Variants in CNGA3 observed in about 807,000 individuals in gnomAD.
The protein encoded by CNGA3 is cyclic nucleotide-gated channel alpha-3.
Under a neutral mutation model 46.6 loss-of-function variants are expected in CNGA3, and 42 were observed. The ratio of observed to expected loss-of-function variants is 0.90; its 90% confidence interval spans 0.70 to 1.17. CNGA3 has a LOEUF of 1.17. Among genes scored for constraint, CNGA3 ranks in the 50% most tolerant of loss-of-function variants. The probability of loss-of-function intolerance (pLI) is 0.00; values close to 1 mark genes in which losing one functional copy is unlikely to be tolerated. For missense variants in CNGA3, 893 were observed against 890.7 expected (o/e 1.00, Z -0.03); for synonymous variants, 394 against 369.4 (o/e 1.07, Z -0.76).
chr2:98,391,966 G>C lies in CNGA3; in HGVS notation c.669G>C (p.Arg223=). The change falls in exon 7 of 8, where the codon CGG becomes CGC. Residue 223 remains arginine, a synonymous_variant. Transcript: ENST00000272602. Reference sequence around the variant, plus strand: ...TCTTGGATGTGCTTGTACGAGCTCGGACAGGTGAGTGTGCCCCAGGCCTGG... The same window carrying C: ...TCTTGGATGTGCTTGTACGAGCTCGCACAGGTGAGTGTGCCCCAGGCCTGG... ...LYVLDVLVRA[R]TGFLEQGLMV... 6.2e-7 allele frequency: 1 copy of C among 1,613,716 alleles called. No individual in the cohort carries two copies. The highest frequency in any genetic ancestry group is 8.5e-7 in the Non-Finnish European group (1 of 1,179,898).
chr2:98,364,102 G>A (rs996056069), intron 1 of CNGA3, among the ~76,000 whole-genome samples: 5 of 152,134 alleles, frequency 3.3e-5, no homozygotes, highest in African/African-American at 1.2e-4. Context: ...GTCAGGCTGG[G>A]TGTGGTGGCT....
At chr2:98,389,896 G>A (rs1407013116) in intron 6 of CNGA3, 122 bp downstream of exon 6, 5 of 688,822 alleles carry the variant, frequency 7.3e-6, no homozygotes. Context: ...CCACCACTTA[G>A]TTATTGTGCC....
intron 6 of CNGA3, among the ~76,000 whole-genome samples, chr2:98,390,948 C>T (rs966364025): frequency 3.9e-5 from 6 of 152,224 alleles, no homozygotes; most frequent in Middle Eastern, 3.4e-3. Context: ...TGGGGCTCTC[C>T]GGAGCCAGTA....
At chr2:98,349,305 G>A (rs1456479619) in intron 1 of CNGA3, among the ~76,000 whole-genome samples, 2 of 152,172 alleles carry the variant, frequency 1.3e-5, no homozygotes, top group African/African-American at 4.8e-5. Context: ...TAAGGGAAGG[G>A]TGAGTAATTT....
At chr2:98,384,173 C>T (rs528184166) in intron 5 of CNGA3, among the ~76,000 whole-genome samples, 2 of 152,200 alleles carry the variant, frequency 1.3e-5, no homozygotes, top group African/African-American at 2.4e-5. Flanking sequence ...CAGGCATGAG[C>T]CACTGCGCCT....
At chr2:98,381,772 C>T (rs1290019317) in intron 4 of CNGA3, among the ~76,000 whole-genome samples, 1 of 152,046 alleles carries the variant, frequency 6.6e-6, no homozygotes, top group Non-Finnish European at 1.5e-5. Context: ...CTGGCCCAGA[C>T]AAGTGCAGGG....
At chr2:98,389,116 G>A (rs1574384847) in intron 5 of CNGA3, among the ~76,000 whole-genome samples, 3 of 152,250 alleles carry the variant, frequency 2.0e-5, no homozygotes, top group Non-Finnish European at 4.4e-5. Flanking sequence ...TTGGAAATGA[G>A]CCTTTACATC....
At chr2:98,369,493 T>G (rs1285880425) in intron 1 of CNGA3, among the ~76,000 whole-genome samples, 1 of 152,228 alleles carries the variant, frequency 6.6e-6, no homozygotes, top group Non-Finnish European at 1.5e-5. Flanking sequence ...TGGTCCTTTT[T>G]TTACATGTTG....
chr2:98,370,165 A>G, intron 2 of CNGA3, 89 bp downstream of exon 2: 1 of 1,113,012 alleles, frequency 9.0e-7, no homozygotes, highest in East Asian at 2.5e-5. Flanking sequence ...GAATGCCTTC[A>G]CGTTGGCCAG....
In CNGA3 at chr2:98,397,703, G is replaced by C. The variant is rs1350041612; in HGVS notation, c.*448G>C. The C allele has an allele frequency of 4.6e-6, 1 of 218,014 alleles. No homozygotes were observed. Among genetic ancestry groups the C allele is most frequent in the African/African-American group, 2.3e-5 (1 of 43,164 alleles). The allele number at this position is 218,014 out of a possible 1,614,324, so 13.5% of individuals were successfully genotyped here. A position where few individuals can be genotyped will look rare whatever the true frequency, so the allele number is the denominator to read the frequency against. ...AACAGGAAGCTGAAGGTACAACATA[G>C]TGACTAAAATTCAGACTTACACAAG... On this transcript the variant is annotated 3_prime_UTR_variant, in exon 8 of 8. Coordinates refer to ENST00000272602, the MANE Select transcript of CNGA3 (RefSeq NM_001298.3).
intron 4 of CNGA3, 36 bp from the exon 5 acceptor site, chr2:98,383,352 G>A (rs1210827366): frequency 3.7e-6 from 6 of 1,608,300 alleles, no homozygotes; most frequent in Non-Finnish European, 5.1e-6. Context: ...TGGAAACAGA[G>A]TTCAGACCCT....
intron 3 of CNGA3, chr2:98,378,284 C>G: frequency 1.4e-6 from 2 of 1,458,154 alleles, no homozygotes; most frequent in Non-Finnish European, 1.8e-6. Context: ...TCTGCTTCCC[C>G]CTGATGACAT....
chr2:98,391,811 C>A lies in CNGA3; in HGVS notation c.567-53C>A, dbSNP rs188984295. On this transcript the variant is annotated intron_variant, in intron 6 of 7. Coordinates refer to ENST00000272602, the MANE Select transcript of CNGA3 (RefSeq NM_001298.3). Reference sequence around the variant, plus strand: ...GAGCCCGTGCCCACAGGTGGGTGGTCCACGCTCCAGAAACACACGCACAGC... The same window carrying A: ...GAGCCCGTGCCCACAGGTGGGTGGTACACGCTCCAGAAACACACGCACAGC... The A allele has an allele frequency of 8.2e-4, 1,287 of 1,572,908 alleles. 10 individuals are homozygous for A. In the African/African-American group the frequency reaches 0.016, roughly 19 times the overall value.
In CNGA3 at chr2:98,396,440, A is replaced by G. The variant is rs752934884; in HGVS notation, c.1270A>G (p.Met424Val). Residue 424 changes from methionine (M) to valine (V), a missense_variant, in exon 8 of 8, where the codon ATG becomes GTG. By Grantham distance (21) the Met-to-Val change is conservative. Transcript: ENST00000272602. ...QAKIDSIKQY[M>V]QFRKVTKDLE... ...CAAGATTGATTCCATCAAGCAGTAC[A>G]TGCAGTTCCGCAAGGTCACCAAGGA... is the stretch of plus-strand genomic sequence containing the variant. 7.4e-6 allele frequency: 12 copies of G among 1,613,964 alleles called. No homozygotes were observed. The highest frequency in any genetic ancestry group is 1.0e-5 in the Non-Finnish European group (12 of 1,180,036).
chr2:98,359,916 A>C (rs1039261446), intron 1 of CNGA3, among the ~76,000 whole-genome samples: 1 of 152,218 alleles, frequency 6.6e-6, no homozygotes, highest in African/African-American at 2.4e-5. Flanking sequence ...TGGGGCATTC[A>C]GACCATAGCT....
intron 1 of CNGA3, chr2:98,346,859 G>C (rs1691638144): frequency 6.3e-6 from 1 of 159,410 alleles, no homozygotes; most frequent in Non-Finnish European, 1.4e-5. Flanking sequence ...TCCCACAGCC[G>C]CGCTGGGCCG....
chr2:98,362,733 C>T (rs1692062671), intron 1 of CNGA3, among the ~76,000 whole-genome samples: 1 of 152,112 alleles, frequency 6.6e-6, no homozygotes, highest in Non-Finnish European at 1.5e-5. Flanking sequence ...TTGCCCGTGC[C>T]TGTCTTGAAT....
At chr2:98,386,875 G>C (rs141120669) in intron 5 of CNGA3, among the ~76,000 whole-genome samples, 1 of 152,158 alleles carries the variant, frequency 6.6e-6, no homozygotes, top group South Asian at 2.1e-4. Flanking sequence ...CAAGAAGCTG[G>C]ATTCTGCGTA....
intron 1 of CNGA3, among the ~76,000 whole-genome samples, chr2:98,355,432 A>C (rs1453217457): frequency 6.6e-6 from 1 of 152,202 alleles, no homozygotes; most frequent in South Asian, 2.1e-4. Context: ...TAATATTTGC[A>C]TATAGTGTTT....
Sources: gnomAD v4.1 joint callset for allele counts (sites outside exome capture counted in the v4.1 genomes callset) on GRCh38, gnomAD v4.1.1 for gene constraint, MANE v1.5 for transcripts, NCBI Gene and HGNC (gene_info 2026-07-23, HGNC 2026-07-21) for gene names.